The following UBE3B variants were observed in gnomAD, a reference collection of about 807,000 sequenced individuals.
UBE3B encodes the protein ubiquitin-protein ligase E3B.
A neutral mutation model predicts 132.3 loss-of-function variants in UBE3B; 80 were observed. That is an observed-to-expected ratio of 0.60 (90% CI 0.50 to 0.73). The LOEUF is 0.73. Among genes scored for constraint, UBE3B ranks in the 30% least tolerant of loss-of-function variants. The pLI is 0.00. For missense variants in UBE3B, 1,196 were observed against 1,362.5 expected (o/e 0.88, Z 1.92); for synonymous variants, 487 against 520.4 (o/e 0.94, Z 0.87).
intron 6 of UBE3B, among the ~76,000 whole-genome samples, chr12:109,487,122 G>C (rs1043156110): frequency 6.6e-6 from 1 of 152,034 alleles, no homozygotes; most frequent in African/African-American, 2.4e-5. Context: ...ACTCTGTCTT[G>C]ACTAAAGGGA....
downstream of UBE3B, among the ~76,000 whole-genome samples, chr12:109,538,155 CAG>C (rs929154808): frequency 1.3e-5 from 2 of 152,226 alleles, no homozygotes; most frequent in Non-Finnish European, 2.9e-5. This position sits in a 1 kb window ranked among gnomAD's most constrained non-coding sequence, Gnocchi z 4.1. Context: ...TTAGCTGGAA[CAG>C]AGTTTGAGAA....
Position 109,503,272 on chromosome 12 carries a change from GCTT to G in UBE3B, c.1450+86_1450+88del, listed in dbSNP as rs1405302972. On this transcript the variant is annotated intron_variant, in intron 14 of 27. Coordinates refer to ENST00000342494, the MANE Select transcript of UBE3B (RefSeq NM_130466.4). ...TAGCAAAAGTCGATGTTTTTTTCTG[GCTT>G]CTTTGACTCTGAAAATAGATTCTGA... The G allele has an allele frequency of 1.3e-5, 20 of 1,540,636 alleles. No homozygotes were observed. In the East Asian group the frequency reaches 3.2e-4, roughly 24 times the overall value.
intron 14 of UBE3B, among the ~76,000 whole-genome samples, chr12:109,505,579 T>C (rs1879559238): frequency 6.6e-6 from 1 of 152,262 alleles, no homozygotes; most frequent in Admixed American, 6.5e-5. Flanking sequence ...GTGTTTGATA[T>C]AACATGGACA....
At chr12:109,524,229 A>G (rs1882042325) in intron 22 of UBE3B, 114 bp downstream of exon 22, 1 of 1,479,010 alleles carries the variant, frequency 6.8e-7, no homozygotes, top group African/African-American at 1.4e-5. Flanking sequence ...TAGCTGCTAC[A>G]GGCCCCTCAC....
chr12:109,490,576 C>A, intron 8 of UBE3B: 2 of 1,536,048 alleles, frequency 1.3e-6, no homozygotes, highest in Non-Finnish European at 1.7e-6. Context: ...GCTGGTATGA[C>A]TGGCAGTTGT....
At chr12:109,491,024 C>T in intron 8 of UBE3B, 21 bp from the exon 9 acceptor site, 1 of 1,609,844 alleles carries the variant, frequency 6.2e-7, no homozygotes, top group Non-Finnish European at 8.5e-7. Context: ...ATCCTCTGAC[C>T]AATTAAAACA....
At position 109,483,719 on chromosome 12, in the gene UBE3B, G is replaced by T. The variant is rs1035758486; in HGVS notation, c.161+7G>T. The T allele has an allele frequency of 6.3e-7, 1 of 1,594,212 alleles. No individual in the cohort carries two copies. The highest frequency in any genetic ancestry group is 8.5e-7 in the Non-Finnish European group (1 of 1,171,240). Reference sequence around the variant, plus strand: ...GACTGCAGAGAGATATCAGGTAAGGGCTAGGATCTCCCTAGCACATGATTC... The same window carrying T: ...GACTGCAGAGAGATATCAGGTAAGGTCTAGGATCTCCCTAGCACATGATTC... On this transcript the variant is annotated splice_region_variant and intron_variant, in intron 3 of 27. Transcript: ENST00000342494.
At chr12:109,490,549 G>T in intron 8 of UBE3B, 2 of 1,536,076 alleles carry the variant, frequency 1.3e-6, no homozygotes, top group Non-Finnish European at 1.7e-6. Context: ...ACCCTGTGAG[G>T]TGGTCCGTTG....
At chr12:109,527,959 G>T (rs1164565354) in intron 24 of UBE3B, among the ~76,000 whole-genome samples, 2 of 152,182 alleles carry the variant, frequency 1.3e-5, no homozygotes, top group Non-Finnish European at 2.9e-5. Flanking sequence ...TTGCAGCTTG[G>T]GGGTGACAGT....
chr12:109,486,598 A>C (rs1470394233), intron 6 of UBE3B, 23 bp downstream of exon 6: 6 of 1,509,168 alleles, frequency 4.0e-6, no homozygotes, highest in Non-Finnish European at 5.4e-6. Flanking sequence ...AAAAAAAAAA[A>C]AAAAAGCAAA....
chr12:109,511,167 C>A, intron 17 of UBE3B, 37 bp from the exon 18 acceptor site: 1 of 1,599,528 alleles, frequency 6.3e-7, no homozygotes. Flanking sequence ...TGGTTTCCTT[C>A]TTTTAATTCT....
the UBE3B span, among the ~76,000 whole-genome samples, chr12:109,543,873 C>T: frequency 0.57 from 86,055 of 151,772 alleles, 25,410 homozygotes; most frequent in African/African-American, 0.72. Flanking sequence ...AACTAGCCCA[C>T]AGCCAGAGAT....
chr12:109,498,513 A>G (rs1380959385), intron 11 of UBE3B, among the ~76,000 whole-genome samples, 160 bp downstream of exon 11: 1 of 152,240 alleles, frequency 6.6e-6, no homozygotes, highest in Non-Finnish European at 1.5e-5. Flanking sequence ...ATAGACATGT[A>G]AATAAAAATC....
rs1875865415 is a variant in UBE3B, at chr12:109,483,651, G to A, written c.100G>A (p.Val34Ile). The stretch of plus-strand genomic sequence containing the variant: ...GCAGAAGGAACGGGAGCGGGCAGCT[G>A]TTGTGATCCAGGCCCATGTCCGGAG... ...LVQKERERAA[V>I]VIQAHVRSFL... is the part of the protein sequence containing the mutation. Residue 34 changes from valine (V) to isoleucine (I), a missense_variant, in exon 3 of 28, where the codon GTT becomes ATT. Coordinates refer to ENST00000342494, the MANE Select transcript of UBE3B (RefSeq NM_130466.4). The A allele has an allele frequency of 1.9e-6, 3 of 1,613,504 alleles. No homozygotes were observed. Among genetic ancestry groups the A allele is most frequent in the African/African-American group, 2.7e-5 (2 of 74,988 alleles).
At position 109,507,697 on chromosome 12, in the gene UBE3B, G is replaced by A; in HGVS notation, c.1584G>A (p.Met528Ile). 6.2e-7 allele frequency: 1 copy of A among 1,614,162 alleles called. No homozygotes were observed. The highest frequency in any genetic ancestry group is 1.1e-5 in the South Asian group (1 of 91,076). ...DTEESKQLLA[M>I]LMLFCDCSRH... ...AAGAGTCCAAGCAACTCTTGGCCAT[G>A]CTGATGCTGTTCTGTGACTGTTCGC... Residue 528 changes from methionine (M) to isoleucine (I), a missense_variant, in exon 15 of 28, where the codon ATG (methionine) becomes ATA (isoleucine). Met to Ile is a conservative substitution (Grantham distance 10, BLOSUM62 1). Coordinates refer to ENST00000342494, the MANE Select transcript of UBE3B (RefSeq NM_130466.4).
At chr12:109,492,167 G>A (rs1877553708) in intron 9 of UBE3B, 1 of 152,160 alleles carries the variant, frequency 6.6e-6, no homozygotes, top group Non-Finnish European at 1.5e-5. Flanking sequence ...TACAAAAATA[G>A]GCCATAGTTT....
intron 15 of UBE3B, chr12:109,508,555 A>G (rs756982317): frequency 6.9e-5 from 68 of 985,528 alleles, no homozygotes; most frequent in Middle Eastern, 5.2e-4. Flanking sequence ...ATAAGATACA[A>G]TGGACCTCAG....
chr12:109,493,789 G>T (rs2287192), intron 9 of UBE3B, among the ~76,000 whole-genome samples: 5 of 152,028 alleles, frequency 3.3e-5, no homozygotes, highest in South Asian at 4.2e-4. Context: ...ACTTTTACAC[G>T]TATTAACTGA....
intron 9 of UBE3B, among the ~76,000 whole-genome samples, chr12:109,493,025 CAGA>C (rs1324382560): frequency 6.6e-6 from 1 of 152,156 alleles, no homozygotes. Flanking sequence ...GACCCTCACA[CAGA>C]AGAACAGGAT....
Sources: allele counts gnomAD v4.1 joint callset (sites outside exome capture counted in the v4.1 genomes callset), GRCh38; gene constraint gnomAD v4.1.1; non-coding constraint Gnocchi (gnomAD v3.1); transcripts MANE v1.5; gene names NCBI Gene and HGNC (gene_info 2026-07-23, HGNC 2026-07-21).